The following XRCC4 variants were observed in gnomAD, a reference collection of about 807,000 sequenced individuals.
XRCC4 encodes X-ray repair cross complementing 4, also known as DNA repair protein XRCC4.
In XRCC4, 28 loss-of-function variants were observed where a neutral mutation model predicts 39.1. That is an observed-to-expected ratio of 0.72 (90% CI 0.53 to 0.98). The LOEUF (loss-of-function observed/expected upper bound fraction) is 0.98. Among genes scored for constraint, XRCC4 ranks in the 50% least tolerant of loss-of-function variants. The pLI is 0.00. For synonymous variants in XRCC4, 123 were observed against 126.4 expected (o/e 0.97, Z 0.18); for missense variants, 350 against 376.4 (o/e 0.93, Z 0.58).
chr5:83,298,328 T>C (rs1261512682), intron 7 of XRCC4, among the ~76,000 whole-genome samples: 1 of 151,924 alleles, frequency 6.6e-6, no homozygotes, highest in Non-Finnish European at 1.5e-5. Context: ...GATTTTCTGC[T>C]TTCTACCCAT....
chr5:83,361,856 G>C, the XRCC4 span, among the ~76,000 whole-genome samples: 1 of 151,856 alleles, frequency 6.6e-6, no homozygotes, highest in South Asian at 2.1e-4. Context: ...ATTCTTTAAA[G>C]TCTTCTAACT....
At chr5:83,246,418 T>A (rs1401227443) in intron 6 of XRCC4, among the ~76,000 whole-genome samples, 3 of 152,140 alleles carry the variant, frequency 2.0e-5, no homozygotes, top group Non-Finnish European at 2.9e-5. Flanking sequence ...AGACTTTTTT[T>A]AAGAAGTTAT....
chr5:83,335,609 T>G (rs928314183), intron 7 of XRCC4, among the ~76,000 whole-genome samples: 1 of 151,970 alleles, frequency 6.6e-6, no homozygotes, highest in African/African-American at 2.4e-5. Flanking sequence ...GATTGTGAGA[T>G]TTTCAAGGAC....
intron 7 of XRCC4, among the ~76,000 whole-genome samples, chr5:83,316,007 T>C (rs1561471294): frequency 6.6e-6 from 1 of 152,152 alleles, no homozygotes; most frequent in Non-Finnish European, 1.5e-5. Context: ...AAGGAGTCAC[T>C]GTTCTAGATG....
chr5:83,177,035 A>G (rs1265867993), intron 3 of XRCC4, among the ~76,000 whole-genome samples: 1 of 152,206 alleles, frequency 6.6e-6, no homozygotes, highest in Admixed American at 6.5e-5. Flanking sequence ...ATTAGCATAT[A>G]TGATAGACAT....
At chr5:83,090,346 G>GGC (rs1554052983) in intron 1 of XRCC4, among the ~76,000 whole-genome samples, 54 of 151,782 alleles carry the variant, frequency 3.6e-4, no homozygotes, top group African/African-American at 1.3e-3. Flanking sequence ...GGTGGGGTTG[G>GGC]GGGGGGCTCC....
intron 6 of XRCC4, among the ~76,000 whole-genome samples, chr5:83,249,469 A>C (rs1753230850): frequency 6.6e-6 from 1 of 152,138 alleles, no homozygotes; most frequent in Non-Finnish European, 1.5e-5. Context: ...ACAACTACAA[A>C]CTGGCCAAAT....
intron 1 of XRCC4, among the ~76,000 whole-genome samples, chr5:83,104,447 G>C (rs1193847890): frequency 6.6e-6 from 1 of 151,978 alleles, no homozygotes; most frequent in Non-Finnish European, 1.5e-5. Flanking sequence ...GAAAAGAAGT[G>C]GTAAAATTTA....
chr5:83,139,786 C>T (rs1439778254), intron 3 of XRCC4, among the ~76,000 whole-genome samples: 1 of 152,154 alleles, frequency 6.6e-6, no homozygotes, highest in Non-Finnish European at 1.5e-5. Context: ...TATCTACACA[C>T]ACCTAAACAC....
At position 83,250,719 on chromosome 5, in the gene XRCC4, G is replaced by A. The variant is rs981752639; in HGVS notation, c.746-7811G>A. Among the ~76,000 whole-genome samples, 8 of 152,166 alleles carry A rather than the reference G, an allele frequency of 5.3e-5. 1 individual carries two copies. The highest frequency in any genetic ancestry group is 4.1e-4 in the South Asian group (2 of 4,834). On this transcript the variant is annotated intron_variant, in intron 6 of 7. Coordinates refer to ENST00000396027, the MANE Select transcript of XRCC4 (RefSeq NM_003401.5). ...CTTTTCTTAAATCAGTTTGCTCAGC[G>A]TGAGCTAGCCCTTTAATTTTCTCTT...
At chr5:83,252,968 A>G (rs962232346) in intron 6 of XRCC4, among the ~76,000 whole-genome samples, 11 of 152,238 alleles carry the variant, frequency 7.2e-5, no homozygotes, top group African/African-American at 2.2e-4. Flanking sequence ...AGAGATAAAC[A>G]TAAAAAGAAA....
At chr5:83,097,734 TATCTC>T (rs891815220) in intron 1 of XRCC4, among the ~76,000 whole-genome samples, 26 of 152,262 alleles carry the variant, frequency 1.7e-4, no homozygotes, top group African/African-American at 5.8e-4. Context: ...GGTACTATCT[TATCTC>T]TTCTCTTCAG....
chr5:83,170,781 G>C (rs1218837720), intron 3 of XRCC4, among the ~76,000 whole-genome samples: 1 of 152,090 alleles, frequency 6.6e-6, no homozygotes, highest in Non-Finnish European at 1.5e-5. Context: ...AATCATGGGA[G>C]TGAATATCTC....
At chr5:83,118,065 CACACACACACACATAT>C (rs1361590494) in intron 3 of XRCC4, among the ~76,000 whole-genome samples, 1 of 112,566 alleles carries the variant, frequency 8.9e-6, no homozygotes, top group Non-Finnish European at 1.9e-5. Context: ...CACACACACA[CACACACACACACATAT>C]GTATATAGTG....
rs369770791 is a variant in XRCC4 at position 83,113,905 on chromosome 5, C to T, written c.315+2702C>T. On this transcript the variant is annotated intron_variant, in intron 3 of 7. Transcript: ENST00000396027. ...CCCCCCAAAGTGCTGGGATTACAGG[C>T]GTGAGCCACCGCACCCAGCGCAGAC... Among the ~76,000 whole-genome samples, 5 of 152,198 alleles carry T rather than the reference C, an allele frequency of 3.3e-5. No individual in the cohort carries two copies. In the South Asian group the frequency reaches 1.0e-3, roughly 32 times the overall value.
chr5:83,204,454 A>T (rs2112731802), intron 5 of XRCC4, among the ~76,000 whole-genome samples: 1 of 152,238 alleles, frequency 6.6e-6, no homozygotes, highest in East Asian at 1.9e-4. Context: ...GGTTTTGCAG[A>T]GATCAAATGA....
chr5:83,150,914 A>G (rs1651290897), intron 3 of XRCC4, among the ~76,000 whole-genome samples: 1 of 152,130 alleles, frequency 6.6e-6, no homozygotes, highest in Admixed American at 6.5e-5. Flanking sequence ...TATTAGAAAA[A>G]TAGCCTATGA....
chr5:83,336,253 G>T (rs1756591360), intron 7 of XRCC4, among the ~76,000 whole-genome samples: 2 of 152,192 alleles, frequency 1.3e-5, no homozygotes, highest in South Asian at 2.1e-4. Context: ...TCAGACTGTT[G>T]AATTCAGCTA....
intron 6 of XRCC4, among the ~76,000 whole-genome samples, chr5:83,239,354 T>C (rs1752813711): frequency 6.6e-6 from 1 of 152,178 alleles, no homozygotes; most frequent in South Asian, 2.1e-4. Context: ...AATGAATGTT[T>C]AACTGCTTCA....
Sources: gnomAD v4.1 joint callset for allele counts (sites outside exome capture counted in the v4.1 genomes callset) on GRCh38, gnomAD v4.1.1 for gene constraint, MANE v1.5 for transcripts, NCBI Gene and HGNC (gene_info 2026-07-23, HGNC 2026-07-21) for gene names.